ROBO1: variants seen among roughly 807,000 people sequenced by gnomAD.
The protein encoded by ROBO1 is roundabout homolog 1.
ROBO1 carries 149 observed loss-of-function variants against 195.9 expected under a neutral mutation model. That is an observed-to-expected ratio of 0.76 (90% CI 0.67 to 0.87). ROBO1 has a LOEUF of 0.87. Ranked by LOEUF, ROBO1 falls within the 40% of genes least tolerant of loss-of-function variation. The pLI, the probability that ROBO1 is intolerant of heterozygous loss-of-function variation, is 0.00. For synonymous variants in ROBO1, 816 were observed against 733.2 expected (o/e 1.11, Z -1.82); for missense variants, 1,933 against 2,068.3 (o/e 0.93, Z 1.27).
chr3:79,764,719 C>T (rs1704893177), intron 1 of ROBO1, among the ~76,000 whole-genome samples: 1 of 152,194 alleles, frequency 6.6e-6, no homozygotes, highest in Non-Finnish European at 1.5e-5. Context: ...ACACTACTTT[C>T]CAAATAGTGC....
chr3:79,709,355 A>G (rs1445772279), intron 1 of ROBO1, among the ~76,000 whole-genome samples: 5 of 152,098 alleles, frequency 3.3e-5, no homozygotes, highest in Non-Finnish European at 7.4e-5. Context: ...ATTATGTTTC[A>G]AAAGCATTTA....
chr3:79,443,368 T>C (rs2039124350), intron 2 of ROBO1, among the ~76,000 whole-genome samples: 1 of 152,186 alleles, frequency 6.6e-6, no homozygotes, highest in South Asian at 2.1e-4. Context: ...TGTTTATTGG[T>C]GAATTAACTA....
chr3:78,850,494 T>C (rs1219171077), intron 4 of ROBO1, among the ~76,000 whole-genome samples: 7 of 152,232 alleles, frequency 4.6e-5, no homozygotes, highest in Non-Finnish European at 1.5e-5. Context: ...ACTTATTTTA[T>C]GTTATCCTCT....
At chr3:79,481,433 T>C (rs1335861519) in intron 2 of ROBO1, among the ~76,000 whole-genome samples, 1 of 152,212 alleles carries the variant, frequency 6.6e-6, no homozygotes, top group Non-Finnish European at 1.5e-5. Context: ...GAGATGATTC[T>C]GTGAATAGCC....
chr3:78,832,174 C>G (rs1399225999), intron 4 of ROBO1, among the ~76,000 whole-genome samples: 3 of 152,188 alleles, frequency 2.0e-5, no homozygotes, highest in Admixed American at 6.5e-5. Flanking sequence ...ATCCATCTTT[C>G]TATTCATTTG....
intron 1 of ROBO1, among the ~76,000 whole-genome samples, chr3:79,748,210 A>G (rs997360123): frequency 1.3e-5 from 2 of 152,186 alleles, no homozygotes; most frequent in Non-Finnish European, 2.9e-5. Context: ...AATTCAAGAG[A>G]CCATCAGCTA....
At chr3:79,239,823 T>G (rs2082479310) in intron 2 of ROBO1, among the ~76,000 whole-genome samples, 1 of 152,228 alleles carries the variant, frequency 6.6e-6, no homozygotes, top group Non-Finnish European at 1.5e-5. Flanking sequence ...AGTATATATC[T>G]AATGTATATG....
At chr3:79,665,064 T>G (rs2106857467) in intron 1 of ROBO1, among the ~76,000 whole-genome samples, 1 of 152,096 alleles carries the variant, frequency 6.6e-6, no homozygotes, top group South Asian at 2.1e-4. Flanking sequence ...ACTCTTTAAT[T>G]AGGTTCCCTT....
At chr3:79,413,661 G>C (rs2106877276) in intron 2 of ROBO1, among the ~76,000 whole-genome samples, 1 of 152,170 alleles carries the variant, frequency 6.6e-6, no homozygotes, top group South Asian at 2.1e-4. Context: ...TCTTAACTAG[G>C]CATAAAAGGC....
intron 2 of ROBO1, among the ~76,000 whole-genome samples, chr3:79,341,155 T>C (rs2034891383): frequency 6.6e-6 from 1 of 152,116 alleles, no homozygotes; most frequent in East Asian, 1.9e-4. Flanking sequence ...TGAAAATAAA[T>C]CTGATTGTAC....
At chr3:79,359,970 C>T (rs1454749990) in intron 2 of ROBO1, among the ~76,000 whole-genome samples, 1 of 151,920 alleles carries the variant, frequency 6.6e-6, no homozygotes, top group Non-Finnish European at 1.5e-5. Flanking sequence ...ACTTCCATCA[C>T]CAGATAAAAG....
chr3:79,569,124 GCGCACA>G (rs1448209404), intron 2 of ROBO1, among the ~76,000 whole-genome samples: 1 of 144,212 alleles, frequency 6.9e-6, no homozygotes, highest in Non-Finnish European at 1.5e-5. Context: ...GCGTGCACAC[GCGCACA>G]CACACACACA....
intron 2 of ROBO1, among the ~76,000 whole-genome samples, chr3:79,412,195 T>C (rs916705538): frequency 2.6e-5 from 4 of 152,134 alleles, no homozygotes; most frequent in Admixed American, 2.6e-4. Context: ...CAACAAGGCT[T>C]CTATTTGAAT....
intron 2 of ROBO1, among the ~76,000 whole-genome samples, chr3:79,179,191 T>C (rs1468501897): frequency 6.6e-6 from 1 of 152,146 alleles, no homozygotes; most frequent in Non-Finnish European, 1.5e-5. Context: ...AACCATTCAG[T>C]TTAAAATGGA....
At chr3:79,477,361 T>TAA (rs1938597677) in intron 2 of ROBO1, among the ~76,000 whole-genome samples, 1 of 152,184 alleles carries the variant, frequency 6.6e-6, no homozygotes, top group Non-Finnish European at 1.5e-5. Flanking sequence ...GAATCTGCTC[T>TAA]TTTGCTTGGG....
At chr3:79,060,800 C>T (rs112015618) in intron 3 of ROBO1, among the ~76,000 whole-genome samples, 17 of 152,164 alleles carry the variant, frequency 1.1e-4, no homozygotes, top group South Asian at 1.0e-3. Flanking sequence ...AATTCAACAG[C>T]GCTTTATGCT....
intron 2 of ROBO1, among the ~76,000 whole-genome samples, chr3:79,493,221 C>T (rs1939559619): frequency 6.6e-6 from 1 of 151,920 alleles, no homozygotes; most frequent in African/African-American, 2.4e-5. Context: ...GTTCACACTT[C>T]CCATTTTTAT....
At chr3:79,026,508 C>A (rs998930442) in intron 3 of ROBO1, among the ~76,000 whole-genome samples, 3 of 151,894 alleles carry the variant, frequency 2.0e-5, no homozygotes, top group Admixed American at 6.6e-5. Flanking sequence ...GTAAGAAGTT[C>A]AAAGCTTTTT....
chr3:79,238,168 A>G (rs1018523664), intron 2 of ROBO1, among the ~76,000 whole-genome samples: 1 of 152,194 alleles, frequency 6.6e-6, no homozygotes, highest in East Asian at 1.9e-4. Flanking sequence ...TATTTAGTAC[A>G]TTTTCAATTC....
Sources: gnomAD v4.1 joint callset for allele counts (sites outside exome capture counted in the v4.1 genomes callset) on GRCh38, gnomAD v4.1.1 for gene constraint, MANE v1.5 for transcripts, NCBI Gene and HGNC (gene_info 2026-07-23, HGNC 2026-07-21) for gene names.